GALNT10: variants seen among roughly 807,000 people sequenced by gnomAD.
GALNT10 encodes the protein polypeptide N-acetylgalactosaminyltransferase 10, also known as GalNAc transferase 10.
Under a neutral mutation model 75.0 loss-of-function variants are expected in GALNT10, and 41 were observed. The observed-to-expected ratio is 0.55, with a 90% CI of 0.43 to 0.71. The LOEUF (loss-of-function observed/expected upper bound fraction) is 0.71, where lower values mean the gene tolerates loss of function less well. Among genes scored for constraint, GALNT10 ranks in the 30% least tolerant of loss-of-function variants. The pLI, the probability that GALNT10 is intolerant of heterozygous loss-of-function variation, is 0.00. For missense variants in GALNT10, 727 were observed against 818.5 expected (o/e 0.89, Z 1.36); for synonymous variants, 302 against 313.0 (o/e 0.96, Z 0.37).
At chr5:154,242,546 G>A (rs536953967) in intron 1 of GALNT10, among the ~76,000 whole-genome samples, 1 of 152,178 alleles carries the variant, frequency 6.6e-6, no homozygotes, top group African/African-American at 2.4e-5. Flanking sequence ...GTGATCCTAT[G>A]AGGCATAAAC....
At chr5:154,349,487 T>C (rs1029389237) in intron 4 of GALNT10, 2 of 152,134 alleles carry the variant, frequency 1.3e-5, no homozygotes, top group African/African-American at 4.8e-5. Context: ...GGCAGGAGAA[T>C]AGCTTGAGCC....
At chr5:154,262,404 G>A (rs1353078209) in intron 1 of GALNT10, among the ~76,000 whole-genome samples, 10 of 152,254 alleles carry the variant, frequency 6.6e-5, no homozygotes, top group East Asian at 3.9e-4. Flanking sequence ...ATATGTCAGC[G>A]CTCATTACTG....
intron 3 of GALNT10, among the ~76,000 whole-genome samples, chr5:154,309,034 T>G (rs569796681): frequency 6.6e-6 from 1 of 151,886 alleles, no homozygotes; most frequent in African/African-American, 2.4e-5. Flanking sequence ...TAGCAATAAG[T>G]GATGTGGGGA....
At chr5:154,355,787 G>T (rs1007101257) in intron 4 of GALNT10, among the ~76,000 whole-genome samples, 1 of 152,208 alleles carries the variant, frequency 6.6e-6, no homozygotes, top group Non-Finnish European at 1.5e-5. Context: ...TCCATCATTT[G>T]CACTCTCACT....
chr5:154,284,159 A>G (rs764969938), intron 1 of GALNT10, among the ~76,000 whole-genome samples: 2 of 152,242 alleles, frequency 1.3e-5, no homozygotes, highest in South Asian at 4.1e-4. Context: ...TACTTGCTGC[A>G]TCTCATTTAA....
intron 1 of GALNT10, among the ~76,000 whole-genome samples, chr5:154,268,798 G>A (rs1697624044): frequency 6.6e-6 from 1 of 152,184 alleles, no homozygotes; most frequent in African/African-American, 2.4e-5. Flanking sequence ...AAAGGAAGAG[G>A]AAATGGATTT....
At chr5:154,219,042 G>A (rs1430155703) in intron 1 of GALNT10, among the ~76,000 whole-genome samples, 2 of 152,038 alleles carry the variant, frequency 1.3e-5, no homozygotes, top group South Asian at 4.1e-4. Context: ...TAGACTTTAG[G>A]ATAAAATCCA....
Position 154,365,796 on chromosome 5 carries a change from T to C in GALNT10, c.569-10481T>C, listed in dbSNP as rs1238674937. On this transcript the variant is annotated intron_variant, in intron 4 of 11. Coordinates refer to ENST00000297107, the MANE Select transcript of GALNT10 (RefSeq NM_198321.4). The stretch of plus-strand genomic sequence containing the variant: ...GGTTCCTCTCTCCTTTTTTCTAAAT[T>C]TTCCCCCCAGAAATTTATTTTGTTA... Among the ~76,000 whole-genome samples, 10 of 152,278 alleles carry C rather than the reference T, an allele frequency of 6.6e-5. 1 individual carries two copies. Among genetic ancestry groups the C allele is most frequent in the Middle Eastern group, 3.4e-3 (1 of 294 alleles).
intron 2 of GALNT10, among the ~76,000 whole-genome samples, chr5:154,296,556 GGCATCTT>G (rs1006155283): frequency 5.9e-5 from 9 of 152,176 alleles, no homozygotes; most frequent in African/African-American, 2.2e-4. Context: ...CTATGTGCCA[GGCATCTT>G]GCCTGCATTA....
rs764586295 is a variant in GALNT10 at position 154,225,638 on chromosome 5, A to C, written c.159+34613A>C. 5.2e-5 allele frequency among the ~76,000 whole-genome samples: 7 copies of C among 134,158 alleles called. No homozygotes were observed. In the South Asian group the frequency reaches 1.7e-3, roughly 33 times the overall value. The allele number at this position is 134,158 out of a possible 152,430, so 88.0% of individuals were successfully genotyped here. On this transcript the variant is annotated intron_variant, in intron 1 of 11. Coordinates refer to ENST00000297107, the MANE Select transcript of GALNT10 (RefSeq NM_198321.4). Reference sequence around the variant, plus strand: ...AGGTTGGTCTTGAATTCCTGAGCTCAAGCGATCCTCCCACCTCGGATTCCC... The same window carrying C: ...AGGTTGGTCTTGAATTCCTGAGCTCCAGCGATCCTCCCACCTCGGATTCCC...
At chr5:154,256,053 T>C (rs898572881) in intron 1 of GALNT10, among the ~76,000 whole-genome samples, 2 of 152,198 alleles carry the variant, frequency 1.3e-5, no homozygotes, top group Admixed American at 1.3e-4. Flanking sequence ...AGAAGCCTGG[T>C]TATGGCTCCC....
chr5:154,219,865 C>CACACACACACACAT (rs1561632524), intron 1 of GALNT10, among the ~76,000 whole-genome samples: 1 of 151,606 alleles, frequency 6.6e-6, no homozygotes, highest in Non-Finnish European at 1.5e-5. Context: ...CACACACACA[C>CACACACACACACAT]ACCACAGAGA....
At chr5:154,273,096 A>C (rs1452345081) in intron 1 of GALNT10, among the ~76,000 whole-genome samples, 1 of 152,160 alleles carries the variant, frequency 6.6e-6, no homozygotes, top group African/African-American at 2.4e-5. Context: ...CCTCAGAGCC[A>C]GGAGAGGAGT....
intron 8 of GALNT10, among the ~76,000 whole-genome samples, chr5:154,406,567 C>T (rs1205760872): frequency 1.3e-5 from 2 of 152,166 alleles, no homozygotes; most frequent in Admixed American, 6.5e-5. Flanking sequence ...GAGGCCAAGG[C>T]GGGCGGATCA....
intron 1 of GALNT10, among the ~76,000 whole-genome samples, chr5:154,264,931 C>T (rs1350330471): frequency 1.3e-5 from 2 of 152,114 alleles, no homozygotes; most frequent in Admixed American, 6.5e-5. Flanking sequence ...CTTATGACTT[C>T]CAGTGGGCCA....
At chr5:154,403,835 T>C (rs1756217844) in intron 7 of GALNT10, 1 of 478,868 alleles carries the variant, frequency 2.1e-6, no homozygotes, top group Admixed American at 3.7e-5. Context: ...TACTACCTAC[T>C]TTATAGGTTT....
intron 4 of GALNT10, among the ~76,000 whole-genome samples, chr5:154,350,781 C>G (rs1252839896): frequency 6.6e-6 from 1 of 152,158 alleles, no homozygotes; most frequent in Admixed American, 6.5e-5. Context: ...AGCAAATAGT[C>G]TAAGTGTCTG....
intron 1 of GALNT10, among the ~76,000 whole-genome samples, chr5:154,231,691 G>A (rs1161180844): frequency 6.6e-6 from 1 of 152,192 alleles, no homozygotes; most frequent in East Asian, 1.9e-4. Context: ...TGGGGGTAAT[G>A]AGGCCATTGT....
intron 1 of GALNT10, among the ~76,000 whole-genome samples, chr5:154,249,189 TC>T (rs1480761488): frequency 5.9e-5 from 9 of 152,230 alleles, no homozygotes; most frequent in Non-Finnish European, 1.0e-4. Flanking sequence ...GTGCATTTGT[TC>T]AAACACAGAT....
Sources: allele counts gnomAD v4.1 joint callset (sites outside exome capture counted in the v4.1 genomes callset), GRCh38; gene constraint gnomAD v4.1.1; transcripts MANE v1.5; gene names NCBI Gene and HGNC (gene_info 2026-07-23, HGNC 2026-07-21).